Variants in EPHA3 observed in about 807,000 individuals in gnomAD.
EPHA3 encodes ephrin type-A receptor 3.
EPHA3 carries 42 observed loss-of-function variants against 107.1 expected under a neutral mutation model. The ratio of observed to expected loss-of-function variants is 0.39; its 90% CI spans 0.31 to 0.51. The LOEUF is 0.51. EPHA3 is among the 20% of genes least tolerant of loss of function. The pLI is 0.78. For missense variants in EPHA3, 1,183 were observed against 1,211.2 expected (o/e 0.98, Z 0.35); for synonymous variants, 461 against 424.8 (o/e 1.09, Z -1.05).
rs200749972 is a variant in EPHA3, at chr3:89,134,224, TAAAA to T, written c.153+6955_153+6958del. 4.8e-3 allele frequency among the ~76,000 whole-genome samples: 716 copies of T among 149,786 alleles called. 7 individuals are homozygous for T. Among genetic ancestry groups the T allele is most frequent in the African/African-American group, 0.016 (653 of 40,724 alleles). Reference sequence around the variant, plus strand: ...CTTGTCAACTTTCTTTTTTTTTTTTTAAAAAAATTATACTTTAAGTTCTAGGGTA... The same window carrying T: ...CTTGTCAACTTTCTTTTTTTTTTTTTAAATTATACTTTAAGTTCTAGGGTA... On this transcript the variant is annotated intron_variant, in intron 2 of 16. Coordinates refer to ENST00000336596, the MANE Select transcript of EPHA3 (RefSeq NM_005233.6).
chr3:89,431,422 T>C (rs1468228939), intron 13 of EPHA3, 63 bp downstream of exon 13: 1 of 1,427,514 alleles, frequency 7.0e-7, no homozygotes, highest in Non-Finnish European at 9.6e-7. Flanking sequence ...TGTTGATTTG[T>C]AAATAAGTAG....
chr3:89,335,540 G>A (rs1215725405), intron 3 of EPHA3, among the ~76,000 whole-genome samples: 1 of 152,150 alleles, frequency 6.6e-6, no homozygotes, highest in Non-Finnish European at 1.5e-5. Flanking sequence ...CAAACATTAT[G>A]TGAACAAATA....
At chr3:89,393,155 T>A (rs6551410) in intron 5 of EPHA3, among the ~76,000 whole-genome samples, 72,227 of 152,020 alleles carry the variant, frequency 0.48, 18,776 homozygotes, top group African/African-American at 0.69. Context: ...AAATGACTTA[T>A]TAGGGGTCCA....
intron 11 of EPHA3, among the ~76,000 whole-genome samples, chr3:89,424,569 A>C (rs1709420757): frequency 6.6e-6 from 1 of 151,190 alleles, no homozygotes; most frequent in Non-Finnish European, 1.5e-5. Flanking sequence ...CTTTATTTGC[A>C]TTATTTTGAG....
intron 11 of EPHA3, among the ~76,000 whole-genome samples, chr3:89,421,613 A>T (rs1182171036): frequency 6.6e-6 from 1 of 151,288 alleles, no homozygotes; most frequent in African/African-American, 2.4e-5. Flanking sequence ...AAGCTTACTA[A>T]TAAACTCACT....
At position 89,481,865 on chromosome 3, in the gene EPHA3, A is replaced by G. The variant is rs1295395465; in HGVS notation, c.*2363A>G. ...CAACTCCTACATGATGTTATGTACC[A>G]TATGATCTGTTTTGTATCTTAAATT... On this transcript the variant is annotated 3_prime_UTR_variant, in exon 17 of 17. Transcript: ENST00000336596. 3 of 231,032 alleles carry G rather than the reference A, an allele frequency of 1.3e-5. No individual in the cohort carries two copies. The highest frequency in any genetic ancestry group is 1.8e-4 in the South Asian group (1 of 5,512). 14.3% of individuals were successfully genotyped at this position (231,032 alleles called of 1,614,324 possible).
chr3:89,207,257 T>G (rs1159600191), intron 2 of EPHA3, among the ~76,000 whole-genome samples: 1 of 152,164 alleles, frequency 6.6e-6, no homozygotes, highest in South Asian at 2.1e-4. Context: ...TTTATTTTAT[T>G]TTGTGATTAG....
intron 14 of EPHA3, among the ~76,000 whole-genome samples, chr3:89,449,957 C>T (rs1224140493): frequency 6.6e-6 from 1 of 151,992 alleles, no homozygotes; most frequent in Non-Finnish European, 1.5e-5. Flanking sequence ...ATACTCTTTC[C>T]TAAATTTATG....
rs1708025226 is a variant in EPHA3, at chr3:89,358,902, G to C, written c.1306+16812G>C. Reference sequence around the variant, plus strand: ...AATGATCTCTCAAATGCATGTATCTGGTTTATGAAAGCACATAGAATATGT... The same window carrying C: ...AATGATCTCTCAAATGCATGTATCTCGTTTATGAAAGCACATAGAATATGT... On this transcript the variant is annotated intron_variant, in intron 5 of 16. Transcript: ENST00000336596. Among the ~76,000 whole-genome samples the C allele has an allele frequency of 2.6e-5, 4 of 151,130 alleles. No individual in the cohort carries two copies. The South Asian group carries it at 8.3e-4, about 31-fold the overall frequency.
intron 15 of EPHA3, among the ~76,000 whole-genome samples, chr3:89,456,628 G>A (rs979539502): frequency 5.9e-5 from 9 of 152,174 alleles, no homozygotes; most frequent in South Asian, 4.1e-4. Context: ...CATGAATATC[G>A]TCACTGGAAG....
intron 2 of EPHA3, among the ~76,000 whole-genome samples, chr3:89,189,215 A>G (rs941378593): frequency 1.3e-5 from 2 of 152,228 alleles, no homozygotes; most frequent in African/African-American, 2.4e-5. Flanking sequence ...TATAATTGAC[A>G]TTAAGTGGGA....
At chr3:89,322,478 G>T (rs1481834865) in intron 3 of EPHA3, among the ~76,000 whole-genome samples, 6 of 151,938 alleles carry the variant, frequency 3.9e-5, no homozygotes, top group Admixed American at 3.9e-4. Flanking sequence ...TACTTACTGA[G>T]AAAAAAGACT....
intron 3 of EPHA3, among the ~76,000 whole-genome samples, chr3:89,315,617 T>TAAA (rs199911525): frequency 7.8e-6 from 1 of 127,424 alleles, no homozygotes. Context: ...TCCTTTTTAA[T>TAAA]AAAAAAAAAA....
At chr3:89,382,092 C>A (rs1254366601) in intron 5 of EPHA3, among the ~76,000 whole-genome samples, 1 of 152,124 alleles carries the variant, frequency 6.6e-6, no homozygotes, top group African/African-American at 2.4e-5. Flanking sequence ...AAGCAGAGGT[C>A]TTTTGCTTGC....
At chr3:89,426,643 C>A (rs1709463649) in intron 11 of EPHA3, among the ~76,000 whole-genome samples, 1 of 151,748 alleles carries the variant, frequency 6.6e-6, no homozygotes. Context: ...GAGAAATGGT[C>A]ATAAGGCTGG....
intron 3 of EPHA3, among the ~76,000 whole-genome samples, chr3:89,298,131 T>C (rs986615958): frequency 6.6e-6 from 1 of 152,178 alleles, no homozygotes; most frequent in African/African-American, 2.4e-5. Context: ...CATTTTTCCA[T>C]GTCATGTGCG....
chr3:89,341,604 T>C (rs1210053316), intron 4 of EPHA3, 151 bp from the exon 5 acceptor site: 5 of 679,248 alleles, frequency 7.4e-6, no homozygotes, highest in African/African-American at 3.6e-5. Context: ...CATGTGTCTA[T>C]AATATCATGG....
intron 13 of EPHA3, 40 bp from the exon 14 acceptor site, chr3:89,449,185 T>C (rs1450045971): frequency 6.4e-7 from 1 of 1,563,570 alleles, no homozygotes; most frequent in African/African-American, 1.3e-5. Flanking sequence ...ATATGTTCTA[T>C]GCATTGCTGA....
intron 1 of EPHA3, among the ~76,000 whole-genome samples, chr3:89,123,590 T>C (rs1357814114): frequency 6.6e-6 from 1 of 152,162 alleles, no homozygotes; most frequent in Admixed American, 6.5e-5. Context: ...CCCCTTCTTA[T>C]GAATATAAGC....
Sources: gnomAD v4.1 joint callset for allele counts (sites outside exome capture counted in the v4.1 genomes callset) on GRCh38, gnomAD v4.1.1 for gene constraint, MANE v1.5 for transcripts, NCBI Gene and HGNC (gene_info 2026-07-23, HGNC 2026-07-21) for gene names.